The following NID2 variants were observed in gnomAD, a reference collection of about 807,000 sequenced individuals.
NID2 encodes the protein nidogen 2.
Under a neutral mutation model 145.4 loss-of-function variants are expected in NID2, and 83 were observed. The observed-to-expected ratio is 0.57, with a 90% CI of 0.48 to 0.69. NID2 has a LOEUF of 0.69. Among genes scored for constraint, NID2 ranks in the 30% least tolerant of loss-of-function variants. The pLI, the probability that NID2 is intolerant of heterozygous loss-of-function variation, is 0.00. For missense variants in NID2, 1,807 were observed against 1,765.7 expected (o/e 1.02, Z -0.42); for synonymous variants, 739 against 701.3 (o/e 1.05, Z -0.85).
Position 52,058,015 on chromosome 14 carries a change from C to A in NID2, c.767+2109G>T, listed in dbSNP as rs774468885. ...AAATGTACAACTTTTAAATCATACA[C>A]CCTTTCTCAGCAATTCCACTTTTAA... On this transcript the variant is annotated intron_variant, in intron 3 of 21. Coordinates refer to ENST00000216286, the MANE Select transcript of NID2 (RefSeq NM_007361.4). Among the ~76,000 whole-genome samples the A allele has an allele frequency of 3.9e-5, 6 of 152,190 alleles. 1 individual carries two copies. Among genetic ancestry groups the A allele is most frequent in the Non-Finnish European group, 8.8e-5 (6 of 68,040 alleles).
chr14:52,017,975 C>T (rs569928525), intron 14 of NID2, among the ~76,000 whole-genome samples: 2 of 152,228 alleles, frequency 1.3e-5, no homozygotes, highest in African/African-American at 4.8e-5. Context: ...CGTGCCACCA[C>T]GCCCAGCTAA....
chr14:52,022,831 C>T (rs1203053357), intron 12 of NID2, among the ~76,000 whole-genome samples: 1 of 152,186 alleles, frequency 6.6e-6, no homozygotes, highest in African/African-American at 2.4e-5. Flanking sequence ...TTCCCCCAGG[C>T]TCCCGCCCCT....
chr14:52,019,908 GGCA>G (rs1891340319), intron 13 of NID2, 148 bp downstream of exon 13: 6 of 1,032,222 alleles, frequency 5.8e-6, no homozygotes, highest in Non-Finnish European at 8.4e-6. Flanking sequence ...CAGTAAACTA[GGCA>G]GCAGGAGGTA....
intron 5 of NID2, among the ~76,000 whole-genome samples, chr14:52,050,996 C>A (rs931725812): frequency 1.4e-4 from 22 of 152,252 alleles, no homozygotes; most frequent in Admixed American, 3.9e-4. Context: ...TTTGACTTGA[C>A]AACAAAACGA....
chr14:52,057,054 T>A (rs1166478944), intron 3 of NID2, among the ~76,000 whole-genome samples: 4 of 152,174 alleles, frequency 2.6e-5, no homozygotes, highest in Non-Finnish European at 4.4e-5. Context: ...CTTATTTATT[T>A]AGAGGTAGGG....
chr14:52,009,674 T>TCTCC (rs1364101440), intron 18 of NID2: 1 of 152,124 alleles, frequency 6.6e-6, no homozygotes, highest in African/African-American at 2.4e-5. Context: ...AGATGGCAGC[T>TCTCC]CTCCCCAGTT....
chr14:52,022,786 A>C (rs777528907), intron 12 of NID2, among the ~76,000 whole-genome samples: 47 of 152,180 alleles, frequency 3.1e-4, no homozygotes, highest in Non-Finnish European at 6.0e-4. Flanking sequence ...ACCAGCAGGA[A>C]CTGTTGGATG....
Position 52,067,874 on chromosome 14 carries a change from G to T in NID2, c.518C>A (p.Ala173Glu). The change falls in exon 2 of 22, where the codon GCG becomes GAG. Residue 173 changes from alanine (A) to glutamate (E), a missense_variant. Ala to Glu is a moderately radical substitution (Grantham distance 107). Coordinates refer to ENST00000216286, the MANE Select transcript of NID2 (RefSeq NM_007361.4). Reference protein sequence around the residue: ...VGAYEEVKRGALPSGELNTFQ... With the variant: ...VGAYEEVKRGELPSGELNTFQ... ...GTCACTTACCTCTCCCGAGGGCAGC[G>T]CCCCGCGCTTGACCTCCTCGTAAGC... 1.9e-6 allele frequency: 3 copies of T among 1,611,962 alleles called. No homozygotes were observed. The highest frequency in any genetic ancestry group is 2.5e-6 in the Non-Finnish European group (3 of 1,179,952).
At chr14:52,041,149 A>G (rs954447970) in intron 7 of NID2, among the ~76,000 whole-genome samples, 2 of 150,622 alleles carry the variant, frequency 1.3e-5, no homozygotes, top group Non-Finnish European at 3.0e-5. Context: ...TAGACTTAGC[A>G]AAAAACAAAC....
At chr14:52,016,989 GCT>G (rs1891233317) in intron 14 of NID2, among the ~76,000 whole-genome samples, 1 of 152,176 alleles carries the variant, frequency 6.6e-6, no homozygotes, top group Admixed American at 6.5e-5. Context: ...GGGAGACAAA[GCT>G]CTTTTTAAGA....
chr14:52,008,476 G>A (rs1890880451), intron 18 of NID2: 1 of 152,718 alleles, frequency 6.5e-6, no homozygotes, highest in African/African-American at 2.4e-5. Flanking sequence ...CAGAAACTGT[G>A]AGACTAAATG....
intron 15 of NID2, 34 bp downstream of exon 15, chr14:52,015,020 C>T (rs2140354072): frequency 3.8e-6 from 6 of 1,562,326 alleles, no homozygotes; most frequent in Non-Finnish European, 5.2e-6. Flanking sequence ...GCCTTAGATA[C>T]AGCTGAGGGG....
chr14:52,027,989 C>T (rs2357307), intron 11 of NID2, among the ~76,000 whole-genome samples: 149,210 of 152,296 alleles, frequency 0.98, 73,147 homozygotes, highest in Non-Finnish European at 1. Context: ...TCTGGAAATA[C>T]AGAAGAGGTA....
chr14:52,060,440 G>A (rs1184198383), intron 2 of NID2, 84 bp from the exon 3 acceptor site: 9 of 726,366 alleles, frequency 1.2e-5, no homozygotes, highest in Non-Finnish European at 1.9e-5. Flanking sequence ...GAAACAGAAT[G>A]CAAGCAAAGC....
intron 5 of NID2, among the ~76,000 whole-genome samples, chr14:52,047,968 T>G (rs180865735): frequency 2.4e-4 from 36 of 152,154 alleles, no homozygotes; most frequent in African/African-American, 8.0e-4. Flanking sequence ...ACCTACCAGT[T>G]CCACTCTCTG....
At chr14:52,030,654 G>C in intron 9 of NID2, among the ~76,000 whole-genome samples, 1 of 150,808 alleles carries the variant, frequency 6.6e-6, no homozygotes, top group East Asian at 1.9e-4. Flanking sequence ...AAAAGAGAAA[G>C]AAAGAAAGAA....
At chr14:52,014,544 C>T (rs980088027) in intron 15 of NID2, 88 bp from the exon 16 acceptor site, 17 of 1,345,412 alleles carry the variant, frequency 1.3e-5, no homozygotes, top group Non-Finnish European at 1.7e-5. Context: ...ATACCAGAGC[C>T]TCCAAAAATA....
At position 52,042,354 on chromosome 14, in the gene NID2, A is replaced by G; in HGVS notation, c.1580-4T>C. On this transcript the variant is annotated splice_region_variant and splice_polypyrimidine_tract_variant and intron_variant, in intron 6 of 21. Transcript: ENST00000216286. ...CCATTCACTCGGTGAGGTGCCCCTA[A>G]AAGACAGCAAATCCAGTTAGGCTTG... The G allele has an allele frequency of 6.2e-7, 1 of 1,603,488 alleles. No individual in the cohort carries two copies. The highest frequency in any genetic ancestry group is 8.5e-7 in the Non-Finnish European group (1 of 1,172,022).
rs773472863 is a variant in NID2, at chr14:52,020,017, GC to G, written c.2794+41del. On this transcript the variant is annotated intron_variant, in intron 13 of 21. Transcript: ENST00000216286. Reference sequence around the variant, plus strand: ...GTCATAGAAAAATATCCTTGAAGGAGCTAAGAGATTCATGTGCCTAATCTGG... The same window carrying G: ...GTCATAGAAAAATATCCTTGAAGGAGTAAGAGATTCATGTGCCTAATCTGG... The G allele has an allele frequency of 8.1e-6, 13 of 1,609,502 alleles. No homozygotes were observed. The African/African-American group carries it at 1.7e-4, about 22-fold the overall frequency.
Sources: gnomAD v4.1 joint callset for allele counts (sites outside exome capture counted in the v4.1 genomes callset) on GRCh38, gnomAD v4.1.1 for gene constraint, MANE v1.5 for transcripts, NCBI Gene and HGNC (gene_info 2026-07-23, HGNC 2026-07-21) for gene names.